DUSP22: variants seen among roughly 807,000 people sequenced by gnomAD.
DUSP22 encodes dual specificity phosphatase 22.
Under a neutral mutation model 24.5 loss-of-function variants are expected in DUSP22, and 24 were observed. The ratio of observed to expected loss-of-function variants is 0.98; its 90% CI spans 0.71 to 1.38. The LOEUF is 1.38. Among genes scored for constraint, DUSP22 ranks in the 40% most tolerant of loss-of-function variants. The pLI is 0.00. For missense variants in DUSP22, 330 were observed against 269.2 expected, an observed-to-expected ratio of 1.23 and a Z score of -1.58; for synonymous variants, 160 against 106.4, an observed-to-expected ratio of 1.50 and a Z score of -3.10.
chr6:318,332 C>T (rs993216729), intron 3 of DUSP22, among the ~76,000 whole-genome samples: 18 of 152,416 alleles, frequency 1.2e-4, no homozygotes, highest in East Asian at 3.9e-4. Context: ...CTTGTGGAAA[C>T]GCTGTCACAG....
At chr6:346,619 A>G (rs1290918644) in intron 5 of DUSP22, among the ~76,000 whole-genome samples, 1 of 152,308 alleles carries the variant, frequency 6.6e-6, no homozygotes, top group Non-Finnish European at 1.5e-5. Flanking sequence ...TCAGGGAACC[A>G]GTAGCCAAAA....
At chr6:334,438 G>A (rs1405806946) in intron 3 of DUSP22, among the ~76,000 whole-genome samples, 1 of 152,234 alleles carries the variant, frequency 6.6e-6, no homozygotes, top group African/African-American at 2.4e-5. Flanking sequence ...TAGCATGCCT[G>A]TTGTAGCATG....
At chr6:336,369 G>A (rs1759362504) in intron 4 of DUSP22, among the ~76,000 whole-genome samples, 1 of 152,310 alleles carries the variant, frequency 6.6e-6, no homozygotes, top group African/African-American at 2.4e-5. Flanking sequence ...TATGCCCCAA[G>A]CACTGGTGCA....
At chr6:332,828 G>C (rs963932092) in intron 3 of DUSP22, among the ~76,000 whole-genome samples, 2 of 152,296 alleles carry the variant, frequency 1.3e-5, no homozygotes, top group Non-Finnish European at 2.9e-5. Flanking sequence ...GGAACTTGAG[G>C]CTCCTTCTGG....
At chr6:306,214 C>A (rs1757808404) in intron 2 of DUSP22, among the ~76,000 whole-genome samples, 1 of 152,296 alleles carries the variant, frequency 6.6e-6, no homozygotes, top group East Asian at 1.9e-4. Flanking sequence ...TCTTTGAGAA[C>A]AGAGTTTAGG....
At chr6:319,037 G>T (rs1758463084) in intron 3 of DUSP22, among the ~76,000 whole-genome samples, 1 of 151,500 alleles carries the variant, frequency 6.6e-6, no homozygotes, top group Non-Finnish European at 1.5e-5. Flanking sequence ...ACAGATAAGG[G>T]TTTGAAAGGA....
chr6:312,971 T>TTC (rs1316387472), intron 3 of DUSP22, among the ~76,000 whole-genome samples: 1 of 152,214 alleles, frequency 6.6e-6, no homozygotes, highest in Non-Finnish European at 1.5e-5. Flanking sequence ...TCATAATTTT[T>TTC]TTTTTTTTTT....
chr6:346,666 C>T (rs1033573981), intron 5 of DUSP22, among the ~76,000 whole-genome samples: 8 of 152,420 alleles, frequency 5.2e-5, no homozygotes, highest in East Asian at 3.8e-4. Flanking sequence ...AGTGCTAGGC[C>T]GGACATGTCC....
chr6:296,565 C>T (rs1472574156), intron 1 of DUSP22, among the ~76,000 whole-genome samples: 3 of 151,030 alleles, frequency 2.0e-5, no homozygotes, highest in Non-Finnish European at 1.5e-5. Context: ...TTTGAAAACT[C>T]CTAGTTGACT....
chr6:323,923 T>G (rs1205914061), intron 3 of DUSP22, among the ~76,000 whole-genome samples: 2 of 152,298 alleles, frequency 1.3e-5, no homozygotes, highest in African/African-American at 4.8e-5. Flanking sequence ...TTTACATGAT[T>G]GTCAGTGAGA....
intron 1 of DUSP22, among the ~76,000 whole-genome samples, chr6:298,689 CTA>C (rs1223873925): frequency 6.6e-6 from 1 of 152,302 alleles, no homozygotes; most frequent in East Asian, 1.9e-4. Flanking sequence ...CCTATATTGT[CTA>C]TGCCCAGACG....
At chr6:334,269 A>T (rs1187594664) in intron 3 of DUSP22, among the ~76,000 whole-genome samples, 1 of 152,420 alleles carries the variant, frequency 6.6e-6, no homozygotes, top group East Asian at 1.9e-4. Context: ...GGAATAATTT[A>T]AAAATGATTC....
At chr6:321,808 G>A (rs1177478220) in intron 3 of DUSP22, among the ~76,000 whole-genome samples, 1 of 152,306 alleles carries the variant, frequency 6.6e-6, no homozygotes, top group African/African-American at 2.4e-5. Context: ...CAGAAAGAGA[G>A]TCATTTCTCA....
chr6:349,216 T>G lies in DUSP22; in HGVS notation c.*265T>G. 1 of 1,390,410 alleles carries G rather than the reference T, an allele frequency of 7.2e-7. No homozygotes were observed. The highest frequency in any genetic ancestry group is 9.3e-7 in the Non-Finnish European group (1 of 1,072,338). The allele number at this position is 1,390,410 out of a possible 1,614,324, so 86.1% of individuals were successfully genotyped here. On this transcript the variant is annotated 3_prime_UTR_variant, in exon 7 of 7. Transcript: ENST00000419235. Reference sequence around the variant, plus strand: ...ACTGCTCTGTGCACGTGCGTGTGTGTGAGTGCACTTGTGTGTGGGTGACTA... The same window carrying G: ...ACTGCTCTGTGCACGTGCGTGTGTGGGAGTGCACTTGTGTGTGGGTGACTA...
intron 3 of DUSP22, among the ~76,000 whole-genome samples, chr6:315,346 C>T (rs1758295566): frequency 6.6e-6 from 1 of 152,298 alleles, no homozygotes; most frequent in African/African-American, 2.4e-5. Context: ...GATCAGCAAG[C>T]CTAACTCTAT....
At chr6:336,805 G>A (rs987980841) in intron 4 of DUSP22, among the ~76,000 whole-genome samples, 1 of 152,304 alleles carries the variant, frequency 6.6e-6, no homozygotes, top group Admixed American at 6.5e-5. Flanking sequence ...AACTTCCTTG[G>A]TTACTAGTCG....
At chr6:333,345 A>T (rs372202849) in intron 3 of DUSP22, among the ~76,000 whole-genome samples, 160 of 152,342 alleles carry the variant, frequency 1.1e-3, no homozygotes, top group African/African-American at 3.7e-3. Flanking sequence ...ATAAACAGCA[A>T]TAAAGTTCAT....
intron 1 of DUSP22, among the ~76,000 whole-genome samples, chr6:294,336 GTGT>G (rs1757227834): frequency 6.9e-6 from 1 of 145,908 alleles, no homozygotes; most frequent in Admixed American, 7.1e-5. Flanking sequence ...TATGAGCCAG[GTGT>G]TGTGCTAGTG....
At chr6:297,231 C>A (rs1183435484) in intron 1 of DUSP22, among the ~76,000 whole-genome samples, 1 of 152,310 alleles carries the variant, frequency 6.6e-6, no homozygotes, top group Non-Finnish European at 1.5e-5. Context: ...AATCCAGTCT[C>A]CTTACTGGCT....
Sources: gnomAD v4.1 joint callset for allele counts (sites outside exome capture counted in the v4.1 genomes callset) on GRCh38, gnomAD v4.1.1 for gene constraint, MANE v1.5 for transcripts, NCBI Gene and HGNC (gene_info 2026-07-23, HGNC 2026-07-21) for gene names.